WWOX: variants seen among roughly 807,000 people sequenced by gnomAD.
The protein encoded by WWOX is WW domain containing oxidoreductase, also known as WW domain-containing oxidoreductase.
Under a neutral mutation model 46.2 loss-of-function variants are expected in WWOX, and 69 were observed. The ratio of observed to expected loss-of-function variants is 1.49; its 90% CI spans 1.23 to 1.82. WWOX has a LOEUF of 1.82. Among genes scored for constraint, WWOX ranks in the 40% most tolerant of loss-of-function variants. The probability of loss-of-function intolerance (pLI) is 0.00; values close to 1 mark genes in which losing one functional copy is unlikely to be tolerated. For synonymous variants in WWOX, 359 were observed against 202.6 expected (o/e 1.77, Z -6.56); for missense variants, 919 against 542.6 (o/e 1.69, Z -6.89).
chr16:78,847,485 C>G (rs1481770584), intron 8 of WWOX, among the ~76,000 whole-genome samples: 1 of 152,018 alleles, frequency 6.6e-6, no homozygotes, highest in Non-Finnish European at 1.5e-5. Flanking sequence ...TGGGTTTTTT[C>G]AAACTTGTTT....
intron 8 of WWOX, among the ~76,000 whole-genome samples, chr16:78,648,135 G>C (rs1379682426): frequency 6.6e-6 from 1 of 152,222 alleles, no homozygotes; most frequent in Non-Finnish European, 1.5e-5. Flanking sequence ...ATGTTGAAAG[G>C]TGACTGAATA....
At chr16:78,924,162 G>C (rs1350897048) in intron 8 of WWOX, among the ~76,000 whole-genome samples, 2 of 152,152 alleles carry the variant, frequency 1.3e-5, no homozygotes, top group East Asian at 1.9e-4. Flanking sequence ...TAGAGAAGCA[G>C]AAAGAAGGCT....
intron 8 of WWOX, among the ~76,000 whole-genome samples, chr16:78,807,395 C>T (rs1012676630): frequency 2.0e-5 from 3 of 152,198 alleles, no homozygotes; most frequent in African/African-American, 4.8e-5. Context: ...TTCTTCTAAG[C>T]TTGAACACAG....
intron 8 of WWOX, among the ~76,000 whole-genome samples, chr16:79,019,809 A>C (rs2047495176): frequency 6.6e-6 from 1 of 152,192 alleles, no homozygotes; most frequent in African/African-American, 2.4e-5. Flanking sequence ...CTCAAAACCC[A>C]GCTAATCTTT....
intron 8 of WWOX, chr16:78,551,741 CAG>C (rs1162335485): frequency 6.6e-6 from 1 of 151,414 alleles, no homozygotes; most frequent in East Asian, 2.0e-4. Context: ...CCTGAAAAAG[CAG>C]ACTTTGTCTT....
At chr16:78,477,828 A>G (rs1418961822) in intron 8 of WWOX, among the ~76,000 whole-genome samples, 1 of 152,196 alleles carries the variant, frequency 6.6e-6, no homozygotes, top group African/African-American at 2.4e-5. Context: ...GTTTCATCCA[A>G]AAAATCTGAT....
intron 5 of WWOX, among the ~76,000 whole-genome samples, chr16:78,182,254 C>G (rs899996274): frequency 1.3e-5 from 2 of 152,086 alleles, no homozygotes; most frequent in Non-Finnish European, 2.9e-5. Context: ...TGATGGTACC[C>G]GAGTACTTGC....
intron 5 of WWOX, among the ~76,000 whole-genome samples, chr16:78,195,960 T>C (rs577978026): frequency 6.6e-6 from 1 of 152,276 alleles, no homozygotes; most frequent in African/African-American, 2.4e-5. Flanking sequence ...GAGTGCAAGA[T>C]GTAAGCTAAG....
intron 8 of WWOX, among the ~76,000 whole-genome samples, chr16:78,983,638 GT>G (rs1237168469): frequency 6.6e-6 from 1 of 152,112 alleles, no homozygotes; most frequent in East Asian, 1.9e-4. Flanking sequence ...ATTTGGCCTT[GT>G]GACTTCCAGC....
chr16:78,306,933 T>C (rs919450740), intron 5 of WWOX, among the ~76,000 whole-genome samples: 3 of 152,222 alleles, frequency 2.0e-5, no homozygotes, highest in Admixed American at 2.0e-4. Flanking sequence ...ACTCTCCTTA[T>C]GACAGGTTTC....
intron 8 of WWOX, among the ~76,000 whole-genome samples, chr16:78,954,565 C>G (rs985672280): frequency 1.3e-5 from 2 of 152,120 alleles, no homozygotes; most frequent in African/African-American, 4.8e-5. Flanking sequence ...TGTGGAGCAG[C>G]AGCGAAGGCC....
intron 5 of WWOX, among the ~76,000 whole-genome samples, chr16:78,335,682 G>T (rs1412303939): frequency 1.3e-5 from 2 of 152,148 alleles, no homozygotes; most frequent in African/African-American, 4.8e-5. Context: ...CAGTAGAAAA[G>T]ACATGGAATT....
chr16:78,140,851 A>G (rs12922846), intron 4 of WWOX, among the ~76,000 whole-genome samples: 23,265 of 152,180 alleles, frequency 0.15, 2,088 homozygotes, highest in East Asian at 0.22. Flanking sequence ...CAACTGTGCT[A>G]TAAAAGAGAT....
At chr16:79,041,933 C>T (rs1376148789) in intron 8 of WWOX, among the ~76,000 whole-genome samples, 3 of 152,094 alleles carry the variant, frequency 2.0e-5, no homozygotes, top group African/African-American at 7.2e-5. Context: ...CTCTAAGAGT[C>T]TTGGTGGTTT....
At chr16:78,254,516 T>TTTTTTTGTTTTTTTG (rs1436220393) in intron 5 of WWOX, among the ~76,000 whole-genome samples, 1 of 139,160 alleles carries the variant, frequency 7.2e-6, no homozygotes, top group African/African-American at 2.8e-5. Context: ...TTTTTTTTTT[T>TTTTTTTGTTTTTTTG]TTTGTTTGAC....
chr16:78,929,806 A>G (rs1368933856), intron 8 of WWOX, among the ~76,000 whole-genome samples: 1 of 152,194 alleles, frequency 6.6e-6, no homozygotes, highest in South Asian at 2.1e-4. Flanking sequence ...AATGCCATAA[A>G]TCCAAGAAAG....
intron 8 of WWOX, among the ~76,000 whole-genome samples, chr16:78,449,112 C>T (rs1010520197): frequency 1.3e-5 from 2 of 152,184 alleles, no homozygotes; most frequent in Non-Finnish European, 2.9e-5. Context: ...TGCAAGCCCA[C>T]GTGCTTGCTG....
chr16:78,112,753 G>A (rs1000238978), intron 3 of WWOX, among the ~76,000 whole-genome samples: 15 of 145,482 alleles, frequency 1.0e-4, no homozygotes, highest in Non-Finnish European at 6.0e-5. Context: ...GGGCTGAGGT[G>A]CAGTGACACA....
intron 8 of WWOX, among the ~76,000 whole-genome samples, chr16:79,027,634 T>A (rs2047672578): frequency 6.6e-6 from 1 of 151,910 alleles, no homozygotes; most frequent in Non-Finnish European, 1.5e-5. Flanking sequence ...TATCGTGAAT[T>A]CGGTCATTGT....
Sources: gnomAD v4.1 joint callset for allele counts (sites outside exome capture counted in the v4.1 genomes callset) on GRCh38, gnomAD v4.1.1 for gene constraint, MANE v1.5 for transcripts, NCBI Gene and HGNC (gene_info 2026-07-23, HGNC 2026-07-21) for gene names.